Variants in C9orf78 observed in about 807,000 individuals in gnomAD.
C9orf78 encodes the protein chromosome 9 open reading frame 78, also known as splicing factor C9orf78.
In C9orf78, 19 loss-of-function variants were observed where a neutral mutation model predicts 37.4. The observed-to-expected ratio is 0.51, with a 90% CI of 0.35 to 0.74. The LOEUF (loss-of-function observed/expected upper bound fraction) is 0.74. Ranked by LOEUF, C9orf78 falls within the 30% of genes least tolerant of loss-of-function variation. The pLI, the probability that C9orf78 is intolerant of heterozygous loss-of-function variation, is 0.01. For synonymous variants in C9orf78, 130 were observed against 128.0 expected (o/e 1.02, Z -0.10); for missense variants, 291 against 370.8 (o/e 0.78, Z 1.77).
intron 4 of C9orf78, among the ~76,000 whole-genome samples, chr9:129,832,263 TG>T (rs2031519561): frequency 6.6e-6 from 1 of 152,212 alleles, no homozygotes; most frequent in Non-Finnish European, 1.5e-5. Context: ...CTGCAGATAG[TG>T]AAGTCCCTTA....
At position 129,828,044 on chromosome 9, in the gene C9orf78, C is replaced by T. The variant is rs1043229162; in HGVS notation, c.*117G>A. ...CCGACCTCAGGTGATCCGCCCACCT[C>T]GGCCTCCCAAAGTGCTGGGATTACA... On this transcript the variant is annotated 3_prime_UTR_variant, in exon 9 of 9. Coordinates refer to ENST00000372447, the MANE Select transcript of C9orf78 (RefSeq NM_016520.3). 8.5e-6 allele frequency: 5 copies of T among 586,358 alleles called. No homozygotes were observed. The highest frequency in any genetic ancestry group is 3.8e-5 in the East Asian group (1 of 26,256). 36.3% of individuals were successfully genotyped at this position (586,358 alleles called of 1,614,324 possible). A position where few individuals can be genotyped will look rare whatever the true frequency, so the allele number is the denominator to read the frequency against.
At position 129,829,262 on chromosome 9, in the gene C9orf78, CTTT is replaced by C. The variant is rs764968548; in HGVS notation, c.718_720del (p.Lys240del). On this transcript the variant is annotated inframe_deletion, in exon 8 of 9. Transcript: ENST00000372447. ...CTCAAGGGCCGGGCCTTGGGCTCTT[CTTT>C]GTTTCTCCGTATGGGCGCGTTGAGC... 2.5e-5 allele frequency: 41 copies of C among 1,612,376 alleles called. No homozygotes were observed. Among genetic ancestry groups the C allele is most frequent in the Non-Finnish European group, 3.4e-5 (40 of 1,179,438 alleles).
rs146973863 is a variant in C9orf78, at chr9:129,827,454, C to G, written c.*707G>C. On this transcript the variant is annotated 3_prime_UTR_variant, in exon 9 of 9. Transcript: ENST00000372447. ...GTCAGCTGGAGGATGCATTTCTGAC[C>G]CCATCCCAGACACGTGAAAGCAGAA... The G allele has an allele frequency of 6.6e-6, 1 of 151,702 alleles. No individual in the cohort carries two copies. Among genetic ancestry groups the G allele is most frequent in the East Asian group, 1.9e-4 (1 of 5,164 alleles). 9.4% of individuals were successfully genotyped at this position (151,702 alleles called of 1,614,324 possible).
At position 129,829,273 on chromosome 9, in the gene C9orf78, C is replaced by T. The variant is rs199630059; in HGVS notation, c.710G>A (p.Arg237Gln). ...FYHEELNAPIRRNKEEPKARP... is the reference protein window; with the variant it reads ...FYHEELNAPIQRNKEEPKARP... ...GGCCTTGGGCTCTTCTTTGTTTCTC[C>T]GTATGGGCGCGTTGAGCTCCTCATG... is the stretch of plus-strand genomic sequence containing the variant. Residue 237 changes from arginine to glutamine, a missense_variant, in exon 8 of 9, where the codon CGG becomes CAG. Transcript: ENST00000372447. 6.3e-5 allele frequency: 101 copies of T among 1,610,762 alleles called. No homozygotes were observed. The highest frequency in any genetic ancestry group is 7.6e-5 in the Non-Finnish European group (90 of 1,178,732).
chr9:129,828,088 C>T lies in C9orf78; in HGVS notation c.*73G>A, dbSNP rs1220544522. The T allele has an allele frequency of 1.1e-4, 100 of 881,144 alleles. No homozygotes were observed. In the East Asian group the frequency reaches 1.6e-3, roughly 14 times the overall value. The allele number at this position is 881,144 out of a possible 1,614,324, so 54.6% of individuals were successfully genotyped here. On this transcript the variant is annotated 3_prime_UTR_variant, in exon 9 of 9. Transcript: ENST00000372447. ...GATTACAGGCAGGAGCCACCACGCC[C>T]GGCCAGGAAGCCATTTTTCATGGGA...
At chr9:129,832,366 G>A (rs2031522206) in intron 4 of C9orf78, among the ~76,000 whole-genome samples, 1 of 145,510 alleles carries the variant, frequency 6.9e-6, no homozygotes, top group African/African-American at 2.5e-5. Flanking sequence ...CAAATACAAT[G>A]TAAATGCTAT....
chr9:129,833,619 G>C (rs757672577), intron 3 of C9orf78, 39 bp downstream of exon 3: 1 of 1,520,036 alleles, frequency 6.6e-7, no homozygotes, highest in African/African-American at 1.4e-5. Context: ...ACTGCAGGGA[G>C]GGCTGCCATA....
chr9:129,829,340 G>C, intron 7 of C9orf78, 37 bp from the exon 8 acceptor site: 4 of 1,602,252 alleles, frequency 2.5e-6, no homozygotes, highest in Non-Finnish European at 3.4e-6. Flanking sequence ...GTTAGAACAT[G>C]AGGTTCCTAG....
intron 8 of C9orf78, 68 bp from the exon 9 acceptor site, chr9:129,828,320 C>T: frequency 2.2e-6 from 2 of 917,606 alleles, no homozygotes. Flanking sequence ...TTACTCCATG[C>T]AGGCAAAGAC....
intron 4 of C9orf78, among the ~76,000 whole-genome samples, chr9:129,832,746 A>G (rs1420758645): frequency 1.3e-5 from 2 of 151,606 alleles, no homozygotes; most frequent in African/African-American, 4.8e-5. Context: ...GCCTGAATTT[A>G]TTATTTTTGT....
chr9:129,833,631 C>T, intron 3 of C9orf78, 27 bp downstream of exon 3: 5 of 1,570,204 alleles, frequency 3.2e-6, no homozygotes, highest in Non-Finnish European at 4.4e-6. Context: ...GCTGCCATAA[C>T]TACTCAGGGA....
chr9:129,830,963 T>TG lies in C9orf78; in HGVS notation c.449dup (p.Glu151ArgfsTer25). The TG allele has an allele frequency of 6.2e-7, 1 of 1,613,466 alleles. No individual in the cohort carries two copies. Among genetic ancestry groups the TG allele is most frequent in the Non-Finnish European group, 8.5e-7 (1 of 1,179,334 alleles). ...TTGCTGAGGAAACACGGATGTTTTC[T>TG]GGAAGTTCATAAAGACAGTCCTCTG... is the stretch of plus-strand genomic sequence containing the variant. On this transcript the variant is annotated frameshift_variant, in exon 6 of 9. Transcript: ENST00000372447. LOFTEE classifies it high-confidence loss of function.
rs1170543838 is a variant in C9orf78 at position 129,832,600 on chromosome 9, G to A, written c.267-627C>T. ...ATTACGGGTGCCCACCACAATGCCC[G>A]GCTAACTTTTGTATTTTTAATAGCG... On this transcript the variant is annotated intron_variant, in intron 4 of 8. Coordinates refer to ENST00000372447, the MANE Select transcript of C9orf78 (RefSeq NM_016520.3). Among the ~76,000 whole-genome samples, 6 of 151,942 alleles carry A rather than the reference G, an allele frequency of 3.9e-5. No individual in the cohort carries two copies. In the East Asian group the frequency reaches 9.7e-4, roughly 25 times the overall value.
intron 4 of C9orf78, among the ~76,000 whole-genome samples, chr9:129,832,250 A>G (rs1225750731): frequency 6.6e-6 from 1 of 152,204 alleles, no homozygotes; most frequent in African/African-American, 2.4e-5. Context: ...AGGATACCAA[A>G]ATCTGCAGAT....
chr9:129,831,845 C>A (rs1349355953), intron 5 of C9orf78, 51 bp downstream of exon 5: 1 of 869,378 alleles, frequency 1.2e-6, no homozygotes, highest in Middle Eastern at 2.2e-4. Context: ...ATCTTGGACT[C>A]TGACTGGAGT....
intron 5 of C9orf78, 107 bp from the exon 6 acceptor site, chr9:129,831,175 G>A: frequency 1.4e-6 from 1 of 728,332 alleles, no homozygotes; most frequent in Admixed American, 2.3e-5. Flanking sequence ...GACAGTCCAT[G>A]GAGAAACGAG....
chr9:129,830,563 G>C, intron 6 of C9orf78: 1 of 350,238 alleles, frequency 2.9e-6, no homozygotes, highest in Non-Finnish European at 5.4e-6. Context: ...CGCCAGACTG[G>C]AGTGCAGTGG....
chr9:129,829,498 G>C lies in C9orf78; in HGVS notation c.586C>G (p.Arg196Gly), dbSNP rs1348733143. ...NIISTEDAKA[R>G]LLAEQQNKKK... ...TTGTTCTGCTGCTCTGCCAGCAGAC[G>C]GGCCTTGGCATCCTCCGTGGAAATG... The change falls in exon 7 of 9, where the codon CGT becomes GGT. Residue 196 changes from arginine to glycine, a missense_variant. By Grantham distance (125) the Arg-to-Gly change is moderately radical (BLOSUM62 -2). Coordinates refer to ENST00000372447, the MANE Select transcript of C9orf78 (RefSeq NM_016520.3). 3.7e-6 allele frequency: 6 copies of C among 1,613,098 alleles called. No homozygotes were observed. In the African/African-American group the frequency reaches 5.3e-5, roughly 14 times the overall value.
At chr9:129,833,550 T>C (rs1314108300) in intron 3 of C9orf78, 33 bp from the exon 4 acceptor site, 7 of 1,524,496 alleles carry the variant, frequency 4.6e-6, no homozygotes, top group Admixed American at 1.7e-5. Context: ...AGAGGAAGCA[T>C]CTAAATACAT....
Sources: allele counts gnomAD v4.1 joint callset (sites outside exome capture counted in the v4.1 genomes callset), GRCh38; gene constraint gnomAD v4.1.1; transcripts MANE v1.5; gene names NCBI Gene and HGNC (gene_info 2026-07-23, HGNC 2026-07-21).